The following TMEM245 variants were observed in gnomAD, a reference collection of about 807,000 sequenced individuals.
TMEM245 encodes the protein protein CG-2.
Under a neutral mutation model 101.2 loss-of-function variants are expected in TMEM245, and 69 were observed. That is an observed-to-expected ratio of 0.68 (90% CI 0.56 to 0.83). TMEM245 has a LOEUF of 0.83. Ranked by LOEUF, TMEM245 falls within the 40% of genes least tolerant of loss-of-function variation. The probability of loss-of-function intolerance (pLI) is 0.00; values close to 1 mark genes in which losing one functional copy is unlikely to be tolerated. For missense variants in TMEM245, 1,075 were observed against 1,092.8 expected (o/e 0.98, Z 0.23); for synonymous variants, 537 against 449.8 (o/e 1.19, Z -2.45).
intron 14 of TMEM245, among the ~76,000 whole-genome samples, chr9:109,048,813 A>T (rs1161027865): frequency 6.6e-6 from 1 of 152,244 alleles, no homozygotes; most frequent in Non-Finnish European, 1.5e-5. Context: ...TTCATTCAGA[A>T]ACAAAGCCTG....
At chr9:109,050,087 C>G (rs1828626932) in intron 14 of TMEM245, among the ~76,000 whole-genome samples, 196 bp downstream of exon 14, 1 of 152,212 alleles carries the variant, frequency 6.6e-6, no homozygotes, top group Non-Finnish European at 1.5e-5. Flanking sequence ...GCCACTGTAC[C>G]TGGCCTGAAT....
intron 12 of TMEM245, among the ~76,000 whole-genome samples, chr9:109,052,493 T>C (rs1418932691): frequency 1.3e-5 from 2 of 152,212 alleles, no homozygotes; most frequent in Non-Finnish European, 2.9e-5. Context: ...CTATGAAAAG[T>C]CTTCTCCATT....
intron 1 of TMEM245, among the ~76,000 whole-genome samples, chr9:109,119,093 A>T (rs1260580765): frequency 6.6e-6 from 1 of 152,200 alleles, no homozygotes; most frequent in Non-Finnish European, 1.5e-5. Context: ...TCCCCCTAAG[A>T]GGGCCTATTA....
At chr9:109,023,703 G>A (rs1191826630) in intron 17 of TMEM245, among the ~76,000 whole-genome samples, 3 of 152,058 alleles carry the variant, frequency 2.0e-5, no homozygotes, top group East Asian at 1.9e-4. Flanking sequence ...GGGCGTGGTC[G>A]CGGGCGCCTG....
intron 7 of TMEM245, among the ~76,000 whole-genome samples, chr9:109,085,596 AT>A (rs1829807979): frequency 6.6e-6 from 1 of 152,264 alleles, no homozygotes; most frequent in South Asian, 2.1e-4. Context: ...TTTTTAAAAA[AT>A]TCCTGTGTCT....
In TMEM245 at chr9:109,033,390, G is replaced by T; in HGVS notation, c.2511C>A (p.Ser837=). The change falls in exon 17 of 18, where the codon TCC becomes TCA. Residue 837 remains serine, a synonymous_variant. Coordinates refer to ENST00000374586, the MANE Select transcript of TMEM245 (RefSeq NM_032012.4). The part of the protein sequence containing the change: ...PILLCILVVA[S]NIYSAMLVSP... ...TCACTAGCATGGCACTATAGATATT[G>T]GAAGCAACCACAAGTATGCAGAGAA... is the stretch of plus-strand genomic sequence containing the variant. The T allele has an allele frequency of 6.2e-7, 1 of 1,614,138 alleles. No individual in the cohort carries two copies. Among genetic ancestry groups the T allele is most frequent in the Non-Finnish European group, 8.5e-7 (1 of 1,180,004 alleles).
intron 1 of TMEM245, among the ~76,000 whole-genome samples, chr9:109,118,242 G>A (rs1307938152): frequency 6.6e-6 from 1 of 152,076 alleles, no homozygotes; most frequent in African/African-American, 2.4e-5. Flanking sequence ...AGAGAAGAAG[G>A]GTGTTTTGGG....
chr9:109,073,855 TG>T (rs142034958), intron 8 of TMEM245, among the ~76,000 whole-genome samples: 14 of 134,142 alleles, frequency 1.0e-4, no homozygotes, highest in South Asian at 4.6e-4. Context: ...TTTTTTTTTT[TG>T]TTTTTTTTTT....
chr9:109,032,827 TA>T (rs1183673711), intron 17 of TMEM245, among the ~76,000 whole-genome samples: 2,191 of 130,546 alleles, frequency 0.017, 41 homozygotes, highest in Non-Finnish European at 0.026. Flanking sequence ...TTTTTTTTTT[TA>T]TATGCTGTTG....
In TMEM245 at chr9:109,086,034, G is replaced by T; in HGVS notation, c.1321-14C>A. The T allele has an allele frequency of 6.2e-7, 1 of 1,613,538 alleles. No homozygotes were observed. The highest frequency in any genetic ancestry group is 1.1e-5 in the South Asian group (1 of 91,062). Reference sequence around the variant, plus strand: ...CCAGTGCCAGAGCTTGAGGATAGGGGGTAAGGTGAGAAAGAGAAGATAAGA... The same window carrying T: ...CCAGTGCCAGAGCTTGAGGATAGGGTGTAAGGTGAGAAAGAGAAGATAAGA... On this transcript the variant is annotated splice_polypyrimidine_tract_variant and intron_variant, in intron 6 of 17. Coordinates refer to ENST00000374586, the MANE Select transcript of TMEM245 (RefSeq NM_032012.4).
At chr9:109,045,315 T>C (rs1317888382) in intron 14 of TMEM245, among the ~76,000 whole-genome samples, 1 of 152,142 alleles carries the variant, frequency 6.6e-6, no homozygotes, top group East Asian at 1.9e-4. Flanking sequence ...TATAGCAACC[T>C]GGCTGACATT....
intron 3 of TMEM245, among the ~76,000 whole-genome samples, chr9:109,105,778 GT>G (rs879735834): frequency 2.5e-4 from 37 of 147,480 alleles, no homozygotes; most frequent in Admixed American, 9.5e-4. Context: ...TTGTATGCCT[GT>G]TTTTTTTTTT....
chr9:109,065,139 T>C (rs970805481), intron 9 of TMEM245, among the ~76,000 whole-genome samples: 2 of 152,218 alleles, frequency 1.3e-5, no homozygotes, highest in African/African-American at 4.8e-5. Flanking sequence ...CCTTTCATTC[T>C]ACTCTGCCTG....
At chr9:109,021,159 AGTACTG>A (rs1163199683) in intron 17 of TMEM245, among the ~76,000 whole-genome samples, 1 of 152,170 alleles carries the variant, frequency 6.6e-6, no homozygotes, top group East Asian at 1.9e-4. Context: ...TGTCTATCTC[AGTACTG>A]TAGTAGCTAG....
At chr9:109,051,054 G>C (rs911656902) in intron 12 of TMEM245, among the ~76,000 whole-genome samples, 4 of 152,140 alleles carry the variant, frequency 2.6e-5, no homozygotes, top group African/African-American at 9.6e-5. Flanking sequence ...ACTTTGGGAG[G>C]CTGAGGCGGG....
At chr9:109,036,911 G>A (rs912488577) in intron 15 of TMEM245, among the ~76,000 whole-genome samples, 2 of 152,108 alleles carry the variant, frequency 1.3e-5, no homozygotes, top group African/African-American at 4.8e-5. Flanking sequence ...TCTAGTTCTG[G>A]TCCTACCAGA....
In TMEM245 at chr9:109,090,971, C is replaced by T. The variant is rs1361687642; in HGVS notation, c.1101G>A (p.Gln367=). ...GCACAATCCACAGGTTCAACCAGAT[C>T]TGCATGACGACAATGGCCCAAACTA... ...VSLVWAIVVM[Q]IWLNLWIVQL... is the part of the protein sequence containing the mutation. Residue 367 remains glutamine, a synonymous_variant, in exon 5 of 18, where the codon CAG becomes CAA. Transcript: ENST00000374586. 1 of 1,614,084 alleles carries T rather than the reference C, an allele frequency of 6.2e-7. No homozygotes were observed. The highest frequency in any genetic ancestry group is 1.3e-5 in the African/African-American group (1 of 74,926).
In TMEM245 at chr9:109,116,498, T is replaced by C. The variant is rs558043532; in HGVS notation, c.579+2837A>G. 2.6e-5 allele frequency among the ~76,000 whole-genome samples: 4 copies of C among 151,202 alleles called. No individual in the cohort carries two copies. The East Asian group carries it at 7.8e-4, about 30-fold the overall frequency. ...GGCCTCCCAAAGTGCTGGGGTTACA[T>C]TAAGCCACTGTGCCTGGCCTTTAAT... On this transcript the variant is annotated intron_variant, in intron 1 of 17. Coordinates refer to ENST00000374586, the MANE Select transcript of TMEM245 (RefSeq NM_032012.4).
intron 14 of TMEM245, among the ~76,000 whole-genome samples, chr9:109,049,105 C>T (rs534008085): frequency 1.3e-5 from 2 of 152,344 alleles, no homozygotes; most frequent in South Asian, 4.1e-4. Flanking sequence ...TGACATGATG[C>T]TAACAGCTAG....
Sources: gnomAD v4.1 joint callset for allele counts (sites outside exome capture counted in the v4.1 genomes callset) on GRCh38, gnomAD v4.1.1 for gene constraint, MANE v1.5 for transcripts, NCBI Gene and HGNC (gene_info 2026-07-23, HGNC 2026-07-21) for gene names.